Variants in PHC3 observed in about 807,000 individuals in gnomAD.
PHC3 encodes the protein polyhomeotic-like protein 3.
Under a neutral mutation model 107.4 loss-of-function variants are expected in PHC3, and 13 were observed. The observed-to-expected ratio is 0.12, with a 90% confidence interval of 0.08 to 0.19. PHC3 has a LOEUF of 0.19. PHC3 is among the 10% of genes least tolerant of loss of function. The pLI, the probability that PHC3 is intolerant of heterozygous loss-of-function variation, is 1.00. For missense variants in PHC3, 992 were observed against 1,210.9 expected (o/e 0.82, Z 2.68); for synonymous variants, 456 against 427.4 (o/e 1.07, Z -0.83).
chr3:170,127,107 A>G (rs963487194), intron 8 of PHC3, among the ~76,000 whole-genome samples: 7 of 152,142 alleles, frequency 4.6e-5, no homozygotes, highest in Non-Finnish European at 1.0e-4. Flanking sequence ...TTGTTACAAT[A>G]TCCATAGTAA....
At chr3:170,143,325 G>A (rs567232204) in intron 6 of PHC3, among the ~76,000 whole-genome samples, 1 of 151,998 alleles carries the variant, frequency 6.6e-6, no homozygotes, top group South Asian at 2.1e-4. Flanking sequence ...AAATACGGGG[G>A]AAAAAAAGTC....
chr3:170,152,324 C>A (rs1284606436), intron 4 of PHC3, among the ~76,000 whole-genome samples: 1 of 150,876 alleles, frequency 6.6e-6, no homozygotes, highest in Non-Finnish European at 1.5e-5. Flanking sequence ...GCGCCCACCA[C>A]CACGCCTGGC....
At position 170,121,220 on chromosome 3, in the gene PHC3, T is replaced by C. The variant is rs145106320; in HGVS notation, c.1942+1371A>G. Among the ~76,000 whole-genome samples the C allele has an allele frequency of 7.7e-3, 1,174 of 152,126 alleles. 19 individuals are homozygous for C. Among genetic ancestry groups the C allele is most frequent in the Non-Finnish European group, 7.1e-3 (480 of 68,010 alleles). ...AGCCATGCATGGTGGAGAGCACCTATAGTACCAGCTATTCAGGAGGCTGAG... is the reference window on the plus strand; with the variant it reads ...AGCCATGCATGGTGGAGAGCACCTACAGTACCAGCTATTCAGGAGGCTGAG... On this transcript the variant is annotated intron_variant, in intron 9 of 14. Coordinates refer to ENST00000495893, the MANE Select transcript of PHC3 (RefSeq NM_024947.4).
At chr3:170,163,793 G>A (rs1403984132) in intron 4 of PHC3, among the ~76,000 whole-genome samples, 1 of 150,390 alleles carries the variant, frequency 6.6e-6, no homozygotes, top group African/African-American at 2.5e-5. Flanking sequence ...AATCTGGGAG[G>A]TGGAGGTTGC....
chr3:170,167,969 T>C (rs1728981195), intron 4 of PHC3, among the ~76,000 whole-genome samples: 1 of 151,992 alleles, frequency 6.6e-6, no homozygotes, highest in Admixed American at 6.6e-5. Context: ...CCAGTCTGCC[T>C]GGGGAACACA....
At position 170,181,647 on chromosome 3, in the gene PHC3, G is replaced by A. The variant is rs1196505329; in HGVS notation, c.14+55C>T. On this transcript the variant is annotated intron_variant, in intron 1 of 14. Coordinates refer to ENST00000495893, the MANE Select transcript of PHC3 (RefSeq NM_024947.4). ...GAGCTTTCCCCTGGGGGAACGTGTC[G>A]CTGCCCCAACTCGCCCCCCCTAGTT... is the stretch of plus-strand genomic sequence containing the variant. The A allele has an allele frequency of 3.1e-6, 5 of 1,612,228 alleles. No individual in the cohort carries two copies. In the African/African-American group the frequency reaches 5.3e-5, roughly 17 times the overall value.
chr3:170,139,239 A>G (rs1267266901), intron 6 of PHC3, among the ~76,000 whole-genome samples: 1 of 152,228 alleles, frequency 6.6e-6, no homozygotes, highest in East Asian at 1.9e-4. Flanking sequence ...ATTCTCCTAT[A>G]TATGATTTTG....
intron 4 of PHC3, among the ~76,000 whole-genome samples, chr3:170,165,596 A>G (rs1045158912): frequency 6.6e-6 from 1 of 151,900 alleles, no homozygotes; most frequent in Non-Finnish European, 1.5e-5. Context: ...TCTACTAAAA[A>G]TACAAAAATT....
At chr3:170,152,084 T>G (rs1340850976) in intron 4 of PHC3, among the ~76,000 whole-genome samples, 1 of 152,078 alleles carries the variant, frequency 6.6e-6, no homozygotes, top group Non-Finnish European at 1.5e-5. Context: ...ATTTTTATTT[T>G]AATATAATAG....
rs780862532 is a variant in PHC3 at position 170,129,205 on chromosome 3, T to G, written c.1267A>C (p.Thr423Pro). ...PPPHSPSQSP[T>P]IIIHPQALIQ... Reference sequence around the variant, plus strand: ...AGTGCTTGTGGATGAATAATTATAGTAGGAGACTGACTTGGTGAATGAGGT... The same window carrying G: ...AGTGCTTGTGGATGAATAATTATAGGAGGAGACTGACTTGGTGAATGAGGT... Residue 423 changes from threonine (T) to proline (P), a missense_variant, in exon 8 of 15, where the codon ACT (threonine) becomes CCT (proline). Physicochemically the swap from Thr to Pro is conservative, Grantham distance 38. Transcript: ENST00000495893. 1 of 1,613,880 alleles carries G rather than the reference T, an allele frequency of 6.2e-7. No individual in the cohort carries two copies. The highest frequency in any genetic ancestry group is 8.5e-7 in the Non-Finnish European group (1 of 1,179,830).
rs1714213229 is a variant in PHC3 at position 170,092,565 on chromosome 3, T to C, written c.*4665A>G. On this transcript the variant is annotated 3_prime_UTR_variant, in exon 15 of 15. Transcript: ENST00000495893. The stretch of plus-strand genomic sequence containing the variant: ...ATCCAGACTAGGAAAGAGAAACCTA[T>C]AGCTCTTCTTTTCCCAATTCTTAGA... 6.6e-6 allele frequency: 1 copy of C among 152,186 alleles called. No individual in the cohort carries two copies. Among genetic ancestry groups the C allele is most frequent in the Non-Finnish European group, 1.5e-5 (1 of 68,022 alleles). 9.4% of individuals were successfully genotyped at this position (152,186 alleles called of 1,614,324 possible). A position where few individuals can be genotyped will look rare whatever the true frequency, so the allele number is the denominator to read the frequency against.
intron 4 of PHC3, among the ~76,000 whole-genome samples, chr3:170,164,720 G>A (rs2108698343): frequency 6.6e-6 from 1 of 152,274 alleles, no homozygotes; most frequent in African/African-American, 2.4e-5. Flanking sequence ...CCCACACTTG[G>A]AGGGTGGAAA....
chr3:170,109,030 A>G (rs1717121153), intron 11 of PHC3, among the ~76,000 whole-genome samples: 1 of 152,226 alleles, frequency 6.6e-6, no homozygotes, highest in African/African-American at 2.4e-5. Flanking sequence ...GGACATTAAC[A>G]GATTCAAAAA....
intron 6 of PHC3, among the ~76,000 whole-genome samples, chr3:170,139,232 C>G (rs911502081): frequency 6.6e-6 from 1 of 152,138 alleles, no homozygotes; most frequent in African/African-American, 2.4e-5. Flanking sequence ...ATGAGGTATT[C>G]TCCTATATAT....
intron 6 of PHC3, among the ~76,000 whole-genome samples, chr3:170,145,206 T>C (rs1724748615): frequency 6.6e-6 from 1 of 152,252 alleles, no homozygotes; most frequent in African/African-American, 2.4e-5. Flanking sequence ...GACCAACCAA[T>C]GTCAAATAAC....
At chr3:170,119,998 G>C (rs936041496) in intron 9 of PHC3, among the ~76,000 whole-genome samples, 2 of 152,152 alleles carry the variant, frequency 1.3e-5, no homozygotes, top group African/African-American at 4.8e-5. Context: ...GGAAAACATG[G>C]AAAGACGTTC....
intron 8 of PHC3, among the ~76,000 whole-genome samples, chr3:170,125,326 G>T (rs1721076143): frequency 6.6e-6 from 1 of 152,012 alleles, no homozygotes; most frequent in Non-Finnish European, 1.5e-5. Context: ...AGTCCCCAAG[G>T]GCAAGTGCTG....
chr3:170,118,663 G>A (rs976084943), intron 9 of PHC3, among the ~76,000 whole-genome samples: 13 of 151,974 alleles, frequency 8.6e-5, no homozygotes, highest in African/African-American at 2.7e-4. Flanking sequence ...CACCCGCCTC[G>A]GCCTGCCAAA....
At chr3:170,181,615 G>C in intron 1 of PHC3, 87 bp downstream of exon 1, 3 of 1,593,176 alleles carry the variant, frequency 1.9e-6, no homozygotes, top group Admixed American at 1.7e-5. Context: ...GCCCGCAAAA[G>C]AGCCCTGAGC....
Sources: gnomAD v4.1 joint callset for allele counts (sites outside exome capture counted in the v4.1 genomes callset) on GRCh38, gnomAD v4.1.1 for gene constraint, MANE v1.5 for transcripts, NCBI Gene and HGNC (gene_info 2026-07-23, HGNC 2026-07-21) for gene names.